DOK7: variants seen among roughly 807,000 people sequenced by gnomAD.
DOK7 encodes protein Dok-7.
In DOK7, 32 loss-of-function variants were observed where a neutral mutation model predicts 30.7. The ratio of observed to expected loss-of-function variants is 1.04; its 90% confidence interval spans 0.79 to 1.40. DOK7 has a LOEUF of 1.40. DOK7 is among the 40% of genes most tolerant of loss of function. DOK7 has a pLI of 0.00. For synonymous variants in DOK7, 447 were observed against 324.1 expected (o/e 1.38, Z -4.07); for missense variants, 1,007 against 699.2 (o/e 1.44, Z -4.97).
intron 2 of DOK7, among the ~76,000 whole-genome samples, chr4:3,467,421 G>C (rs1015185352): frequency 2.7e-5 from 4 of 150,836 alleles, no homozygotes; most frequent in African/African-American, 4.9e-5. Context: ...TGTCTGGTGG[G>C]CTTCTCAGCC....
intron 5 of DOK7, among the ~76,000 whole-genome samples, chr4:3,487,320 C>G (rs1727874567): frequency 6.6e-6 from 1 of 152,236 alleles, no homozygotes; most frequent in African/African-American, 2.4e-5. Flanking sequence ...AGGGTCTGGG[C>G]TGATGGGTTC....
At chr4:3,500,352 C>G in exon 7 of DOK7, 1 of 1,535,970 alleles carries the variant, frequency 6.5e-7, no homozygotes. Flanking sequence ...CTCCAGAAAG[C>G]AGCTGCACTA....
At chr4:3,500,430 C>T (rs1259973114) in intron 7 of DOK7, 1 of 1,534,524 alleles carries the variant, frequency 6.5e-7, no homozygotes, top group Non-Finnish European at 8.7e-7. Flanking sequence ...CGTGGAGGCA[C>T]TGACAATTGG....
At chr4:3,494,620 C>A, downstream of DOK7, 1 of 794,610 alleles carries the variant, frequency 1.3e-6, no homozygotes, top group Non-Finnish European at 1.5e-6. Context: ...CCTCATCTGT[C>A]TTGTGAGCCT....
intron 5 of DOK7, among the ~76,000 whole-genome samples, chr4:3,486,466 T>C (rs1727798181): frequency 6.6e-6 from 1 of 152,200 alleles, no homozygotes; most frequent in South Asian, 2.1e-4. Flanking sequence ...CGCCGTGGTG[T>C]GGCGGGGAAG....
At chr4:3,476,624 C>T (rs1727111307) in intron 4 of DOK7, 82 bp downstream of exon 4, 8 of 1,569,052 alleles carry the variant, frequency 5.1e-6, no homozygotes, top group Non-Finnish European at 6.1e-6. Flanking sequence ...GGCCGGCCGA[C>T]CCCACTTGCA....
chr4:3,484,588 C>T, intron 4 of DOK7: 1 of 985,358 alleles, frequency 1.0e-6, no homozygotes, highest in Non-Finnish European at 1.2e-6. Flanking sequence ...GCCGGGAGGG[C>T]AGCGCCCCCG....
rs1553845410 is a variant in DOK7 at position 3,468,761 on chromosome 4, T to TGA, written c.101-4644_101-4643insAG. The stretch of plus-strand genomic sequence containing the variant: ...GCCTGTGTATGTGTCTGTGTGCGTG[T>TGA]GTGTGTGCATGTATGTGTGCCTGTG... On this transcript the variant is annotated intron_variant, in intron 2 of 6. Coordinates refer to ENST00000340083, the MANE Select transcript of DOK7 (RefSeq NM_173660.5). Among the ~76,000 whole-genome samples, 854 of 145,846 alleles carry TGA rather than the reference T, an allele frequency of 5.9e-3. 4 individuals are homozygous for TGA. Among genetic ancestry groups the TGA allele is most frequent in the Non-Finnish European group, 7.9e-3 (527 of 66,706 alleles).
intron 2 of DOK7, among the ~76,000 whole-genome samples, chr4:3,470,209 C>A (rs1344751527): frequency 6.6e-6 from 1 of 152,208 alleles, no homozygotes; most frequent in Non-Finnish European, 1.5e-5. Context: ...ATTCAGGTGA[C>A]CTTCCCTGTG....
At chr4:3,469,266 C>T (rs1382663933) in intron 2 of DOK7, among the ~76,000 whole-genome samples, 3 of 152,070 alleles carry the variant, frequency 2.0e-5, no homozygotes, top group African/African-American at 7.2e-5. Context: ...TGTGCCTTGG[C>T]CTCTCCTGGT....
At chr4:3,496,012 C>A (rs1728890435), downstream of DOK7, among the ~76,000 whole-genome samples, 1 of 152,210 alleles carries the variant, frequency 6.6e-6, no homozygotes, top group Non-Finnish European at 1.5e-5. Context: ...CAGCCCCCAC[C>A]CACGAGGCCC....
intron 4 of DOK7, among the ~76,000 whole-genome samples, chr4:3,480,081 G>A (rs1359134611): frequency 6.6e-6 from 1 of 152,224 alleles, no homozygotes; most frequent in Non-Finnish European, 1.5e-5. Context: ...ACAGACGGTG[G>A]TGGGCCCCAG....
chr4:3,490,692 C>G (rs1402223257), intron 6 of DOK7, among the ~76,000 whole-genome samples: 1 of 94,188 alleles, frequency 1.1e-5, no homozygotes, highest in Non-Finnish European at 2.0e-5. Context: ...TTCCTTCCTT[C>G]CTTCCCCCCT....
chr4:3,493,490 C>CTA lies in DOK7; in HGVS notation c.1504_1505insTA (p.Pro502LeufsTer64). 3 of 1,611,196 alleles carry CTA rather than the reference C, an allele frequency of 1.9e-6. No homozygotes were observed. Among genetic ancestry groups the CTA allele is most frequent in the Non-Finnish European group, 2.5e-6 (3 of 1,179,364 alleles). ...AGTCTGTGGAGGACTCAAGGTAAAC[C>CTA]CCCCTCCTTGAGAGCCGCAGATCCC... On this transcript the variant is annotated frameshift_variant, in exon 7 of 7. Coordinates refer to ENST00000340083, the MANE Select transcript of DOK7 (RefSeq NM_173660.5). LOFTEE classifies it high-confidence loss of function.
intron 6 of DOK7, among the ~76,000 whole-genome samples, chr4:3,491,697 T>C (rs1728473907): frequency 6.6e-6 from 1 of 152,238 alleles, no homozygotes; most frequent in Non-Finnish European, 1.5e-5. Context: ...CCCTGCATGT[T>C]GGTTTTACCT....
rs1165941720 is a variant in DOK7, at chr4:3,463,554, G to C, written c.100+3G>C. 6.6e-7 allele frequency: 1 copy of C among 1,515,100 alleles called. No homozygotes were observed. The highest frequency in any genetic ancestry group is 1.2e-5 in the South Asian group (1 of 82,880). 93.9% of individuals were successfully genotyped at this position (1,515,100 alleles called of 1,614,324 possible). A position where few individuals can be genotyped will look rare whatever the true frequency, so the allele number is the denominator to read the frequency against. On this transcript the variant is annotated splice_donor_region_variant and intron_variant, in intron 2 of 6. Coordinates refer to ENST00000340083, the MANE Select transcript of DOK7 (RefSeq NM_173660.5). Reference sequence around the variant, plus strand: ...GCGGAAGCCGTCGCCCGTGGCAGGTGAGCGGGGCGGGCGGGGGACGGGGGG... The same window carrying C: ...GCGGAAGCCGTCGCCCGTGGCAGGTCAGCGGGGCGGGCGGGGGACGGGGGG...
intron 6 of DOK7, 146 bp downstream of exon 6, chr4:3,489,942 C>T (rs906211419): frequency 7.7e-7 from 1 of 1,301,948 alleles, no homozygotes; most frequent in Non-Finnish European, 1.0e-6. Context: ...TCATTCTTCC[C>T]CCAACTCCCC....
chr4:3,487,283 C>G (rs1427278530), intron 5 of DOK7, among the ~76,000 whole-genome samples: 1 of 152,218 alleles, frequency 6.6e-6, no homozygotes, highest in Non-Finnish European at 1.5e-5. Context: ...AGCCGTGGGC[C>G]CAGCCCCCGC....
downstream of DOK7, among the ~76,000 whole-genome samples, chr4:3,498,089 C>G (rs751970536): frequency 6.6e-6 from 1 of 152,102 alleles, no homozygotes; most frequent in Non-Finnish European, 1.5e-5. Context: ...CAGAGATGAG[C>G]CAGGCCCAAG....
Sources: gnomAD v4.1 joint callset for allele counts (sites outside exome capture counted in the v4.1 genomes callset) on GRCh38, gnomAD v4.1.1 for gene constraint, MANE v1.5 for transcripts, NCBI Gene and HGNC (gene_info 2026-07-23, HGNC 2026-07-21) for gene names.